Variants in SLC2A9 observed in about 807,000 individuals in gnomAD.
The protein encoded by SLC2A9 is solute carrier family 2, facilitated glucose transporter member 9.
Under a neutral mutation model 50.6 loss-of-function variants are expected in SLC2A9, and 39 were observed. The observed-to-expected ratio is 0.77, with a 90% CI of 0.60 to 1.01. The LOEUF is 1.01. Ranked by LOEUF, SLC2A9 falls within the 50% of genes least tolerant of loss-of-function variation. The pLI is 0.00. For missense variants in SLC2A9, 686 were observed against 677.6 expected, an observed-to-expected ratio of 1.01 and a Z score of -0.14; for synonymous variants, 324 against 276.9, an observed-to-expected ratio of 1.17 and a Z score of -1.69.
At chr4:9,952,486 C>T (rs1025672028) in intron 5 of SLC2A9, among the ~76,000 whole-genome samples, 10 of 151,950 alleles carry the variant, frequency 6.6e-5, no homozygotes, top group Admixed American at 5.9e-4. Context: ...GAACCATGAG[C>T]CAATTAAACC....
chr4:9,831,872 TCATCCACCCACTCCCTTCGGA>T, intron 11 of SLC2A9, among the ~76,000 whole-genome samples: 2 of 152,286 alleles, frequency 1.3e-5, no homozygotes, highest in Non-Finnish European at 2.9e-5. Flanking sequence ...AGCTGTCTGC[TCATCCACCCACTCCCTTCGGA>T]CCTCAGCATG....
At chr4:9,961,712 A>C (rs1000645687) in intron 5 of SLC2A9, among the ~76,000 whole-genome samples, 1 of 152,208 alleles carries the variant, frequency 6.6e-6, no homozygotes, top group Non-Finnish European at 1.5e-5. Context: ...AATCTAACTA[A>C]ACTAAAGAGC....
intron 10 of SLC2A9, among the ~76,000 whole-genome samples, chr4:9,836,330 G>C (rs145156944): frequency 6.6e-6 from 1 of 151,992 alleles, no homozygotes; most frequent in African/African-American, 2.4e-5. Context: ...AAAGGGGAGT[G>C]AGCAAATGAA....
intron 10 of SLC2A9, among the ~76,000 whole-genome samples, chr4:9,855,749 T>C (rs563661086): frequency 8.5e-5 from 13 of 152,220 alleles, no homozygotes; most frequent in Middle Eastern, 6.8e-3. Context: ...AGCATGGTAG[T>C]GGTACAAAAA....
intron 3 of SLC2A9, chr4:9,783,714 T>G: frequency 2.1e-6 from 1 of 485,082 alleles, no homozygotes; most frequent in Non-Finnish European, 3.8e-6. Context: ...GAGAAGAGAG[T>G]ATGGTGCTGG....
At chr4:10,022,889 G>A (rs929511327), upstream of SLC2A9, among the ~76,000 whole-genome samples, 3 of 152,282 alleles carry the variant, frequency 2.0e-5, no homozygotes, top group South Asian at 2.1e-4. Flanking sequence ...GGTTGGGGAT[G>A]TATTGAGCAC....
chr4:9,948,338 G>A (rs1424623340), intron 5 of SLC2A9, among the ~76,000 whole-genome samples: 1 of 152,114 alleles, frequency 6.6e-6, no homozygotes, highest in Admixed American at 6.5e-5. Context: ...GGGGTTAATT[G>A]GTCTGGGGGT....
At chr4:9,889,215 C>CGG (rs937663511) in intron 9 of SLC2A9, among the ~76,000 whole-genome samples, 1 of 20,832 alleles carries the variant, frequency 4.8e-5, no homozygotes, top group Non-Finnish European at 1.2e-4. Flanking sequence ...CTCCTGAGTC[C>CGG]AGAGCAAGGA....
intron 3 of SLC2A9, among the ~76,000 whole-genome samples, chr4:9,986,987 T>C (rs1288971838): frequency 6.6e-6 from 1 of 151,138 alleles, no homozygotes; most frequent in East Asian, 1.9e-4. Context: ...TGCTATAGGA[T>C]AGACCCTGCT....
chr4:9,834,842 A>G lies in SLC2A9; in HGVS notation c.1419+39T>C. The G allele has an allele frequency of 1.9e-6, 3 of 1,613,942 alleles. No individual in the cohort carries two copies. The South Asian group carries it at 3.3e-5, about 18-fold the overall frequency. ...CACCCCTCAAGTGCTGCAGAATCAA[A>G]GGGAACCCCATGGGCAAAAGACTCC... is the stretch of plus-strand genomic sequence containing the variant. On this transcript the variant is annotated intron_variant, in intron 11 of 11. Coordinates refer to ENST00000264784, the MANE Select transcript of SLC2A9 (RefSeq NM_020041.3).
At position 9,854,028 on chromosome 4, in the gene SLC2A9, C is replaced by T. The variant is rs1288047907; in HGVS notation, c.1292-19020G>A. Among the ~76,000 whole-genome samples, 8 of 151,938 alleles carry T rather than the reference C, an allele frequency of 5.3e-5. No homozygotes were observed. The South Asian group carries it at 1.5e-3, about 28-fold the overall frequency. On this transcript the variant is annotated intron_variant, in intron 10 of 11. Transcript: ENST00000264784. The stretch of plus-strand genomic sequence containing the variant: ...AAAAAAAAGTTCACAGTGCTAAATG[C>T]CCACATCAAAAAGTTAGAAAGATCT...
intron 10 of SLC2A9, among the ~76,000 whole-genome samples, chr4:9,838,892 T>G (rs1727541083): frequency 1.3e-5 from 2 of 152,092 alleles, no homozygotes; most frequent in Non-Finnish European, 2.9e-5. Context: ...CCCAAAACTA[T>G]AGAAACCCTG....
At chr4:9,927,522 C>A (rs1413032257) in intron 6 of SLC2A9, among the ~76,000 whole-genome samples, 1 of 152,170 alleles carries the variant, frequency 6.6e-6, no homozygotes, top group Non-Finnish European at 1.5e-5. Flanking sequence ...AGTTCCATGC[C>A]CAGAGTGGCA....
intron 2 of SLC2A9, among the ~76,000 whole-genome samples, chr4:10,011,667 TAGAC>T (rs3834235): frequency 0.44 from 66,848 of 151,912 alleles, 16,307 homozygotes; most frequent in South Asian, 0.59. Flanking sequence ...CAGGATGTTT[TAGAC>T]AGACAGGTAA....
downstream of SLC2A9, among the ~76,000 whole-genome samples, chr4:9,821,691 T>C (rs1724421442): frequency 6.6e-6 from 1 of 152,238 alleles, no homozygotes; most frequent in Non-Finnish European, 1.5e-5. Context: ...AATATTGGTC[T>C]GCAGTTTTAT....
At chr4:10,033,739 C>T (rs1417773434) in intron 1 of SLC2A9, among the ~76,000 whole-genome samples, 1 of 152,186 alleles carries the variant, frequency 6.6e-6, no homozygotes, top group African/African-American at 2.4e-5. Flanking sequence ...GCTGCCTGGC[C>T]GACCTGGGTG....
intron 5 of SLC2A9, among the ~76,000 whole-genome samples, chr4:9,969,490 A>G (rs1753556791): frequency 6.6e-6 from 1 of 152,236 alleles, no homozygotes; most frequent in Admixed American, 6.5e-5. Flanking sequence ...TACAAGTTTC[A>G]AAAAACTTTA....
chr4:9,917,933 T>G (rs1288175238), intron 7 of SLC2A9, among the ~76,000 whole-genome samples: 1 of 152,080 alleles, frequency 6.6e-6, no homozygotes, highest in Non-Finnish European at 1.5e-5. Flanking sequence ...GGCTGAGAAA[T>G]GCAAGTTTGG....
At chr4:9,924,427 A>G (rs938555) in intron 6 of SLC2A9, among the ~76,000 whole-genome samples, 109,223 of 152,102 alleles carry the variant, frequency 0.72, 40,106 homozygotes, top group East Asian at 0.98. Flanking sequence ...TAGCTTCCTC[A>G]CAGACACCTG....
Sources: gnomAD v4.1 joint callset for allele counts (sites outside exome capture counted in the v4.1 genomes callset) on GRCh38, gnomAD v4.1.1 for gene constraint, MANE v1.5 for transcripts, NCBI Gene and HGNC (gene_info 2026-07-23, HGNC 2026-07-21) for gene names.